The following PUM1 variants were observed in gnomAD, a reference collection of about 807,000 sequenced individuals.
PUM1 encodes pumilio homolog 1.
In PUM1, 13 loss-of-function variants were observed where a neutral mutation model predicts 131.8. That is an observed-to-expected ratio of 0.10 (90% CI 0.06 to 0.16). PUM1 has a LOEUF of 0.16. PUM1 is among the 10% of genes least tolerant of loss of function. PUM1 has a pLI of 1.00. For synonymous variants in PUM1, 509 were observed against 556.5 expected (o/e 0.91, Z 1.20); for missense variants, 961 against 1,512.4 (o/e 0.64, Z 6.05).
intron 2 of PUM1, among the ~76,000 whole-genome samples, chr1:31,047,891 G>T (rs984344815): frequency 2.0e-5 from 3 of 152,064 alleles, no homozygotes; most frequent in African/African-American, 7.2e-5. Context: ...GCAGTGAGCC[G>T]AGATCGCACC....
chr1:31,032,831 C>A (rs554423252), intron 2 of PUM1, among the ~76,000 whole-genome samples: 2 of 152,038 alleles, frequency 1.3e-5, no homozygotes, highest in Non-Finnish European at 2.9e-5. Flanking sequence ...GTGGGCCAGG[C>A]GTGGTGACTC....
chr1:31,040,781 CT>C (rs544932949), intron 2 of PUM1, among the ~76,000 whole-genome samples: 52 of 151,792 alleles, frequency 3.4e-4, no homozygotes, highest in African/African-American at 1.2e-3. Context: ...TTTATTTTAT[CT>C]TTAAAAAAAA....
rs763089659 is a variant in PUM1, at chr1:30,992,351, G to A, written c.1158+39C>T. The A allele has an allele frequency of 1.9e-6, 3 of 1,592,750 alleles. No individual in the cohort carries two copies. The South Asian group carries it at 3.4e-5, about 18-fold the overall frequency. ...AATTACTTGAACAACGTGCTGGCTG[G>A]AGGGAGAGTAGAGAGGGTGACAGAG... On this transcript the variant is annotated intron_variant, in intron 7 of 21. Transcript: ENST00000426105.
chr1:30,973,506 T>G (rs1384179991), intron 10 of PUM1, among the ~76,000 whole-genome samples: 1 of 152,148 alleles, frequency 6.6e-6, no homozygotes, highest in Non-Finnish European at 1.5e-5. Flanking sequence ...AACACCAAAA[T>G]ACTGATACAA....
intron 2 of PUM1, among the ~76,000 whole-genome samples, chr1:31,035,069 AACTATT>A (rs1350848754): frequency 6.6e-6 from 1 of 152,224 alleles, no homozygotes; most frequent in Non-Finnish European, 1.5e-5. Flanking sequence ...TATTAATAAC[AACTATT>A]ACTAAGACTT....
At chr1:31,033,068 AC>A (rs1256413174) in intron 2 of PUM1, among the ~76,000 whole-genome samples, 1 of 151,344 alleles carries the variant, frequency 6.6e-6, no homozygotes, top group Non-Finnish European at 1.5e-5. Context: ...AAAAAAAAAA[AC>A]GTTATTTTCC....
chr1:31,052,956 G>A lies in PUM1; in HGVS notation c.363+6248C>T, dbSNP rs1013740199. Among the ~76,000 whole-genome samples the A allele has an allele frequency of 6.1e-4, 92 of 151,356 alleles. 1 individual carries two copies. Among genetic ancestry groups the A allele is most frequent in the African/African-American group, 2.1e-3 (87 of 41,260 alleles). ...TGGCCTCAACTGATCCGCCCACCTC[G>A]GCCTCCAAAAGTGCTGGGATTACAG... On this transcript the variant is annotated intron_variant, in intron 2 of 21. Transcript: ENST00000426105.
At chr1:30,963,425 G>T (rs1351163049) in intron 14 of PUM1, among the ~76,000 whole-genome samples, 1 of 152,144 alleles carries the variant, frequency 6.6e-6, no homozygotes, top group Non-Finnish European at 1.5e-5. Flanking sequence ...CTGAGAAAAT[G>T]AGTTCTACAA....
intron 17 of PUM1, 93 bp from the exon 18 acceptor site, chr1:30,945,576 A>T: frequency 7.4e-7 from 1 of 1,349,852 alleles, no homozygotes; most frequent in Non-Finnish European, 1.0e-6. Flanking sequence ...GCACTACTGA[A>T]CAGAGAATCT....
intron 3 of PUM1, among the ~76,000 whole-genome samples, chr1:31,009,658 C>T (rs924423809): frequency 5.9e-5 from 9 of 151,484 alleles, no homozygotes; most frequent in African/African-American, 2.2e-4. Flanking sequence ...GTCCCAGCTA[C>T]TCGGGAGGCT....
chr1:30,997,009 A>G (rs1177596219), intron 5 of PUM1, among the ~76,000 whole-genome samples: 1 of 152,230 alleles, frequency 6.6e-6, no homozygotes, highest in African/African-American at 2.4e-5. Flanking sequence ...TCATCATTAA[A>G]TAAGAGTCCT....
intron 14 of PUM1, among the ~76,000 whole-genome samples, chr1:30,958,425 G>A (rs1482680861): frequency 6.6e-6 from 1 of 151,970 alleles, no homozygotes; most frequent in Non-Finnish European, 1.5e-5. Flanking sequence ...TTTCTTCCAG[G>A]GCAAATGAAA....
intron 4 of PUM1, among the ~76,000 whole-genome samples, chr1:31,006,434 G>C (rs1220882908): frequency 6.6e-6 from 1 of 151,980 alleles, no homozygotes; most frequent in Non-Finnish European, 1.5e-5. Flanking sequence ...CCATGCTTAC[G>C]TTGTACTGTA....
At chr1:31,040,555 C>T (rs1643782682) in intron 2 of PUM1, among the ~76,000 whole-genome samples, 1 of 152,092 alleles carries the variant, frequency 6.6e-6, no homozygotes, top group African/African-American at 2.4e-5. Flanking sequence ...CACAAAACTA[C>T]AAATACTTTA....
chr1:30,933,333 G>A lies in PUM1; in HGVS notation c.3445C>T (p.His1149Tyr). 1 of 1,613,828 alleles carries A rather than the reference G, an allele frequency of 6.2e-7. No individual in the cohort carries two copies. The change falls in exon 22 of 22, where the codon CAC becomes TAC. Residue 1149 changes from histidine (H) to tyrosine (Y), a missense_variant. His to Tyr is a moderately conservative substitution (Grantham distance 83). Around this residue, in one of 4 missense-constraint regions of PUM1, gnomAD observed 178 missense variants for 327.5 expected, o/e 0.54. Coordinates refer to ENST00000426105, the MANE Select transcript of PUM1 (RefSeq NM_001020658.2). ...GTGTACTTACGAAGAGTTGCGATGT[G>A]GGGCCGGATCTGGGGAGGAAAGACA... ...RKIVMHKIRP[H>Y]IATLRKYTYG...
chr1:31,057,852 G>A (rs1332736768), intron 2 of PUM1, among the ~76,000 whole-genome samples: 2 of 151,616 alleles, frequency 1.3e-5, no homozygotes, highest in Non-Finnish European at 2.9e-5. Flanking sequence ...AGCACTAGAA[G>A]CCTAATGAAA....
chr1:31,002,429 T>C (rs1341550197), intron 5 of PUM1, among the ~76,000 whole-genome samples: 1 of 144,940 alleles, frequency 6.9e-6, no homozygotes, highest in African/African-American at 2.5e-5. Context: ...AGTGATCTTC[T>C]CATTTCCCTG....
chr1:31,061,329 C>CTT (rs2124020648), intron 1 of PUM1, among the ~76,000 whole-genome samples: 1 of 152,146 alleles, frequency 6.6e-6, no homozygotes, highest in East Asian at 1.9e-4. Flanking sequence ...CTAAGAAGGC[C>CTT]AATGGAGGTT....
intron 2 of PUM1, among the ~76,000 whole-genome samples, chr1:31,035,892 C>T (rs1373616532): frequency 1.3e-5 from 2 of 152,154 alleles, no homozygotes; most frequent in Admixed American, 6.5e-5. Context: ...AAACCTATTG[C>T]ATGATGTTAT....
Sources: gnomAD v4.1 joint callset for allele counts (sites outside exome capture counted in the v4.1 genomes callset) on GRCh38, gnomAD v4.1.1 for gene constraint, gnomAD v4.1.1 regional missense constraint, MANE v1.5 for transcripts, NCBI Gene and HGNC (gene_info 2026-07-23, HGNC 2026-07-21) for gene names.